The following NCOR2 variants were observed in gnomAD, a reference collection of about 807,000 sequenced individuals.
The protein encoded by NCOR2 is nuclear receptor corepressor 2, also known as CTG repeat protein 26.
Under a neutral mutation model 262.9 loss-of-function variants are expected in NCOR2, and 81 were observed. The observed-to-expected ratio is 0.31, with a 90% CI of 0.26 to 0.37. NCOR2 has a LOEUF of 0.37. Ranked by LOEUF, NCOR2 falls within the 10% of genes least tolerant of loss-of-function variation. The pLI is 1.00. For missense variants in NCOR2, 3,385 were observed against 3,621.4 expected, an observed-to-expected ratio of 0.93 and a Z score of 1.68; for synonymous variants, 1,659 against 1,559.3, an observed-to-expected ratio of 1.06 and a Z score of -1.51.
rs60830875 is a variant in NCOR2, at chr12:124,443,790, C to T, written c.816-5794G>A. ...TGCTGGGATTACAGGTGTGAGCCACCGCACCCGGCTGGTGCTTTCTAAAAT... is the reference window on the plus strand; with the variant it reads ...TGCTGGGATTACAGGTGTGAGCCACTGCACCCGGCTGGTGCTTTCTAAAAT... On this transcript the variant is annotated intron_variant, in intron 7 of 46. Transcript: ENST00000405201. The surrounding 1 kb of genome is among the most constrained non-coding windows in gnomAD (Gnocchi z 4.4). Among the ~76,000 whole-genome samples the T allele has an allele frequency of 0.019, 2,900 of 152,232 alleles. 99 individuals are homozygous for T. The highest frequency in any genetic ancestry group is 0.066 in the African/African-American group (2,751 of 41,528).
intron 13 of NCOR2, among the ~76,000 whole-genome samples, chr12:124,412,373 C>A (rs944852311): frequency 6.6e-6 from 1 of 152,260 alleles, no homozygotes; most frequent in African/African-American, 2.4e-5. Flanking sequence ...TGGCGTCTTG[C>A]TGCTGGGCTG....
exon 41 of NCOR2, chr12:124,334,454 C>G (rs370192215): frequency 1.3e-6 from 2 of 1,494,656 alleles, no homozygotes; most frequent in East Asian, 5.3e-5. Flanking sequence ...GGGGGAGCCA[C>G]GGGCCGGGGC....
At chr12:124,494,026 G>A (rs973762027) in intron 1 of NCOR2, among the ~76,000 whole-genome samples, 32 of 152,138 alleles carry the variant, frequency 2.1e-4, no homozygotes, top group African/African-American at 7.0e-4. Context: ...GATCCACAAC[G>A]CACCCACTGA....
In NCOR2 at chr12:124,402,457, C is replaced by T. The variant is rs202218206; in HGVS notation, c.1587G>A (p.Ala529=). The T allele has an allele frequency of 9.0e-5, 146 of 1,613,364 alleles. No homozygotes were observed. The South Asian group carries it at 1.2e-3, about 13-fold the overall frequency. The change falls in exon 14 of 47, where the codon GCG becomes GCA. Residue 529 remains alanine (A), a synonymous_variant. Coordinates refer to ENST00000405201, the Ensembl canonical transcript of NCOR2. Reference sequence around the variant, plus strand: ...CCTCCGGCTTCTCCTCCTCCTTCTCCGCCTCCTTTTCCTTCTCCTTCTCAT... The same window carrying T: ...CCTCCGGCTTCTCCTCCTCCTTCTCTGCCTCCTTTTCCTTCTCCTTCTCAT...
chr12:124,444,555 G>A (rs1256656153), intron 7 of NCOR2, among the ~76,000 whole-genome samples: 1 of 152,174 alleles, frequency 6.6e-6, no homozygotes, highest in East Asian at 1.9e-4. Flanking sequence ...AGGCCTGAGA[G>A]AAGCAGAGGA....
intron 15 of NCOR2, among the ~76,000 whole-genome samples, chr12:124,398,777 T>A (rs1027237507): frequency 3.9e-5 from 6 of 152,164 alleles, no homozygotes; most frequent in African/African-American, 1.4e-4. Flanking sequence ...CGTCCCCTAG[T>A]GGGGGAGTAA....
At chr12:124,371,181 G>A (rs941313149) in intron 20 of NCOR2, among the ~76,000 whole-genome samples, 6 of 151,564 alleles carry the variant, frequency 4.0e-5, no homozygotes, top group Non-Finnish European at 7.4e-5. Context: ...CTGCCAGGGC[G>A]TGACTCAGTG....
In NCOR2 at chr12:124,378,611, G is replaced by C. The variant is rs1214525630; in HGVS notation, c.2020-227C>G. 1.3e-5 allele frequency among the ~76,000 whole-genome samples: 2 copies of C among 152,206 alleles called. No individual in the cohort carries two copies. Among genetic ancestry groups the C allele is most frequent in the African/African-American group, 4.8e-5 (2 of 41,456 alleles). Reference sequence around the variant, plus strand: ...AGCCCCAGATACACTCTGGGTACAGGCTGGCCCCTCAGCCACCCTGACATC... The same window carrying C: ...AGCCCCAGATACACTCTGGGTACAGCCTGGCCCCTCAGCCACCCTGACATC... On this transcript the variant is annotated intron_variant, in intron 17 of 46. Transcript: ENST00000405201. The surrounding 1 kb of genome is among the most constrained non-coding windows in gnomAD (Gnocchi z 4.2).
chr12:124,361,310 G>A (rs1346786460), intron 22 of NCOR2, among the ~76,000 whole-genome samples: 1 of 152,162 alleles, frequency 6.6e-6, no homozygotes, highest in African/African-American at 2.4e-5. Flanking sequence ...AGCCCAGGGT[G>A]GGGAACCTCT....
At chr12:124,438,806 G>GAGAGAA (rs760951112) in intron 7 of NCOR2, among the ~76,000 whole-genome samples, 5 of 148,880 alleles carry the variant, frequency 3.4e-5, no homozygotes, top group East Asian at 4.5e-4. Context: ...GAGAGAGAGA[G>GAGAGAA]AGACGGAGAC....
intron 1 of NCOR2, among the ~76,000 whole-genome samples, chr12:124,511,655 C>T (rs532777499): frequency 8.5e-5 from 13 of 152,130 alleles, no homozygotes; most frequent in Non-Finnish European, 1.5e-4. Context: ...ATTTGGTTCT[C>T]GGCAAGAAAG....
rs367864971 is a variant in NCOR2 at position 124,406,594 on chromosome 12, C to T, written c.1483-4033G>A. ...AGCTCCACTATCTCAAAGGACCCCG[C>T]CCTCGTGGTGGAGGGCTACCTCTGC... On this transcript the variant is annotated intron_variant, in intron 13 of 46. Transcript: ENST00000405201. Among the ~76,000 whole-genome samples the T allele has an allele frequency of 1.6e-4, 24 of 152,356 alleles. No homozygotes were observed. In the South Asian group the frequency reaches 4.8e-3, roughly 30 times the overall value.
chr12:124,487,334 C>T (rs1341735888), intron 1 of NCOR2, among the ~76,000 whole-genome samples: 2 of 152,234 alleles, frequency 1.3e-5, no homozygotes, highest in African/African-American at 4.8e-5. Flanking sequence ...ACCCCAAGGC[C>T]GCCCTGTAAA....
chr12:124,440,506 G>A lies in NCOR2; in HGVS notation c.816-2510C>T, dbSNP rs928318937. Among the ~76,000 whole-genome samples, 1 of 152,240 alleles carries A rather than the reference G, an allele frequency of 6.6e-6. No individual in the cohort carries two copies. Among genetic ancestry groups the A allele is most frequent in the Non-Finnish European group, 1.5e-5 (1 of 68,048 alleles). On this transcript the variant is annotated intron_variant, in intron 7 of 46. Coordinates refer to ENST00000405201, the Ensembl canonical transcript of NCOR2. This position sits in a 1 kb window ranked among gnomAD's most constrained non-coding sequence, Gnocchi z 5.7. ...CTTCATCTCATAACAGGGTGTCTCT[G>A]AGCACACCTCAGAAGCCCTCAGTTT...
At chr12:124,339,907 C>T in intron 37 of NCOR2, 99 bp downstream of exon 39, 2 of 927,210 alleles carry the variant, frequency 2.2e-6, no homozygotes, top group Non-Finnish European at 3.2e-6. Flanking sequence ...ACCCACCCAC[C>T]TCCCATATAC....
chr12:124,437,726 C>G (rs551161357), intron 8 of NCOR2, among the ~76,000 whole-genome samples: 82 of 152,198 alleles, frequency 5.4e-4, no homozygotes, highest in African/African-American at 1.2e-3. Context: ...AGAGCCCCCC[C>G]ACCCCCACCC....
intron 39 of NCOR2, 67 bp downstream of exon 41, chr12:124,335,416 C>A (rs1342830611): frequency 4.1e-5 from 63 of 1,548,664 alleles, no homozygotes; most frequent in Non-Finnish European, 5.2e-5. Flanking sequence ...TTCCTATCTG[C>A]ATGATGGGGC....
rs1326940189 is a variant in NCOR2, at chr12:124,483,810, T to C, written c.234-37A>G. 9.1e-6 allele frequency: 14 copies of C among 1,530,872 alleles called. No individual in the cohort carries two copies. In the East Asian group the frequency reaches 3.3e-4, roughly 36 times the overall value. 94.8% of individuals were successfully genotyped at this position (1,530,872 alleles called of 1,614,324 possible). A position where few individuals can be genotyped will look rare whatever the true frequency, so the allele number is the denominator to read the frequency against. On this transcript the variant is annotated intron_variant, in intron 2 of 46. Coordinates refer to ENST00000405201, the Ensembl canonical transcript of NCOR2. This position sits in a 1 kb window ranked among gnomAD's most constrained non-coding sequence, Gnocchi z 6.3. ...GAGGCATCCAACGTCACATAGGAGA[T>C]TGCGGCTCTGAGAACTCCCGAGGCC...
chr12:124,539,847 C>T (rs911630118), upstream of NCOR2, among the ~76,000 whole-genome samples: 1 of 152,174 alleles, frequency 6.6e-6, no homozygotes, highest in Non-Finnish European at 1.5e-5. This position sits in a 1 kb window ranked among gnomAD's most constrained non-coding sequence, Gnocchi z 5.1. Flanking sequence ...GGAAGCCCGC[C>T]TGGCTCACCC....
Sources: allele counts gnomAD v4.1 joint callset (sites outside exome capture counted in the v4.1 genomes callset), GRCh38; gene constraint gnomAD v4.1.1; non-coding constraint Gnocchi (gnomAD v3.1); transcripts MANE v1.5; gene names NCBI Gene and HGNC (gene_info 2026-07-23, HGNC 2026-07-21).